The following TMCO1 variants were observed in gnomAD, a reference collection of about 807,000 sequenced individuals.
The protein encoded by TMCO1 is calcium load-activated calcium channel.
Under a neutral mutation model 29.3 loss-of-function variants are expected in TMCO1, and 29 were observed. The ratio of observed to expected loss-of-function variants is 0.99; its 90% confidence interval spans 0.74 to 1.35. The LOEUF is 1.35. Ranked by LOEUF, TMCO1 falls within the 40% of genes most tolerant of loss-of-function variation. TMCO1 has a pLI of 0.00. For synonymous variants in TMCO1, 80 were observed against 77.1 expected, an observed-to-expected ratio of 1.04 and a Z score of -0.20; for missense variants, 173 against 225.5, an observed-to-expected ratio of 0.77 and a Z score of 1.49.
At chr1:165,732,552 C>CA (rs1234977109) in intron 6 of TMCO1, among the ~76,000 whole-genome samples, 1 of 149,610 alleles carries the variant, frequency 6.7e-6, no homozygotes, top group Non-Finnish European at 1.5e-5. Context: ...AGTTGCTATG[C>CA]AAAAAACCCA....
At chr1:165,733,042 G>A (rs767061095) in intron 6 of TMCO1, among the ~76,000 whole-genome samples, 5 of 152,286 alleles carry the variant, frequency 3.3e-5, no homozygotes, top group Non-Finnish European at 7.4e-5. Flanking sequence ...GCAAGGCATT[G>A]TTCTAAGACC....
intron 3 of TMCO1, among the ~76,000 whole-genome samples, chr1:165,755,193 C>T (rs2101809681): frequency 6.6e-6 from 1 of 152,146 alleles, no homozygotes; most frequent in Non-Finnish European, 1.5e-5. Context: ...AAGGAATACT[C>T]CAAAAATGGA....
At chr1:165,737,948 T>G (rs1423364735) in intron 6 of TMCO1, among the ~76,000 whole-genome samples, 1 of 152,150 alleles carries the variant, frequency 6.6e-6, no homozygotes, top group African/African-American at 2.4e-5. Flanking sequence ...CACCAACAGC[T>G]CTAGATTCAG....
At chr1:165,768,117 T>TA (rs1274503924) in intron 2 of TMCO1, 75 bp downstream of exon 2, 21 of 1,285,310 alleles carry the variant, frequency 1.6e-5, no homozygotes, top group Non-Finnish European at 2.3e-5. Flanking sequence ...CTGGTGCTCT[T>TA]AAAATATTTA....
chr1:165,725,971 G>A (rs377489010), downstream of TMCO1: 2 of 673,404 alleles, frequency 3.0e-6, no homozygotes, highest in East Asian at 2.8e-5. Flanking sequence ...AACATAATTT[G>A]TATATGAAAA....
chr1:165,759,674 G>A, intron 2 of TMCO1, 90 bp from the exon 3 acceptor site: 2 of 1,161,170 alleles, frequency 1.7e-6, no homozygotes, highest in Non-Finnish European at 2.5e-6. Context: ...AATGAAAGAA[G>A]CTTGCAAGAA....
chr1:165,765,984 T>C (rs1652550382), intron 2 of TMCO1, among the ~76,000 whole-genome samples: 1 of 152,226 alleles, frequency 6.6e-6, no homozygotes, highest in African/African-American at 2.4e-5. Flanking sequence ...TCATGGTGCT[T>C]AGACCACAGT....
chr1:165,726,345 T>A (rs1395229992), downstream of TMCO1: 2 of 681,238 alleles, frequency 2.9e-6, no homozygotes, highest in Non-Finnish European at 5.4e-6. Context: ...TTGACTACTT[T>A]GTAATAAGGA....
chr1:165,726,054 T>C (rs1164880477), downstream of TMCO1: 1 of 691,524 alleles, frequency 1.4e-6, no homozygotes, highest in African/African-American at 1.8e-5. Flanking sequence ...GAGTGTGCTA[T>C]ATATTCTCAC....
rs1312578735 is a variant in TMCO1 at position 165,727,361 on chromosome 1, C to T, written c.*662G>A. Reference sequence around the variant, plus strand: ...ATTTTTAAACTCCAACGAGTTATTACGTTCCTTTCCACTCTTGCTTTCCAA... The same window carrying T: ...ATTTTTAAACTCCAACGAGTTATTATGTTCCTTTCCACTCTTGCTTTCCAA... On this transcript the variant is annotated 3_prime_UTR_variant, in exon 7 of 7. Coordinates refer to ENST00000367881, the MANE Select transcript of TMCO1 (RefSeq NM_019026.6). 14 of 453,786 alleles carry T rather than the reference C, an allele frequency of 3.1e-5. No homozygotes were observed. The highest frequency in any genetic ancestry group is 9.4e-5 in the Admixed American group (4 of 42,538). 28.1% of individuals were successfully genotyped at this position (453,786 alleles called of 1,614,324 possible).
At chr1:165,754,387 A>T in intron 3 of TMCO1, 113 bp from the exon 4 acceptor site, 1 of 834,366 alleles carries the variant, frequency 1.2e-6, no homozygotes, top group Non-Finnish European at 2.0e-6. Flanking sequence ...ATATCATTTA[A>T]TAAGATGATG....
rs1652114038 is a variant in TMCO1 at position 165,754,373 on chromosome 1, C to G, written c.209-99G>C. 6.6e-6 allele frequency: 6 copies of G among 903,774 alleles called. No homozygotes were observed. In the South Asian group the frequency reaches 8.1e-5, roughly 12 times the overall value. The allele number at this position is 903,774 out of a possible 1,614,324, so 56.0% of individuals were successfully genotyped here. On this transcript the variant is annotated intron_variant, in intron 3 of 6. Coordinates refer to ENST00000367881, the MANE Select transcript of TMCO1 (RefSeq NM_019026.6). ...ATTGGTGATTACAAAAGCACTCTAT[C>G]TCAATATCATTTAATAAGATGATGA...
intron 5 of TMCO1, among the ~76,000 whole-genome samples, chr1:165,751,005 A>G (rs1224037010): frequency 6.6e-6 from 1 of 151,932 alleles, no homozygotes; most frequent in Non-Finnish European, 1.5e-5. Context: ...AGGAGGCAGA[A>G]GTTGCAGTGA....
intron 2 of TMCO1, 102 bp from the exon 3 acceptor site, chr1:165,759,686 G>T (rs1237548304): frequency 3.2e-6 from 3 of 938,722 alleles, no homozygotes; most frequent in African/African-American, 3.3e-5. Flanking sequence ...TTGCAAGAAA[G>T]TTACACACTG....
chr1:165,765,032 T>C (rs1376888521), intron 2 of TMCO1, among the ~76,000 whole-genome samples: 1 of 152,178 alleles, frequency 6.6e-6, no homozygotes, highest in African/African-American at 2.4e-5. Context: ...AGCATTCAAG[T>C]CAACAAATGT....
At chr1:165,729,820 A>G (rs1558028229) in intron 6 of TMCO1, among the ~76,000 whole-genome samples, 1 of 152,200 alleles carries the variant, frequency 6.6e-6, no homozygotes, top group African/African-American at 2.4e-5. Flanking sequence ...TCTCTTACAC[A>G]GTAGTTTCTG....
At chr1:165,740,861 G>A (rs1651569015) in intron 6 of TMCO1, among the ~76,000 whole-genome samples, 1 of 152,188 alleles carries the variant, frequency 6.6e-6, no homozygotes, top group African/African-American at 2.4e-5. Context: ...GTAGCAGGAA[G>A]GCCCTCAGTA....
At chr1:165,734,942 G>A (rs532002090) in intron 6 of TMCO1, among the ~76,000 whole-genome samples, 89 of 152,286 alleles carry the variant, frequency 5.8e-4, no homozygotes, top group African/African-American at 2.1e-3. Context: ...GAAAACGGAA[G>A]CTCCCTTCTG....
intron 3 of TMCO1, among the ~76,000 whole-genome samples, chr1:165,758,043 T>C (rs79431570): frequency 1.3e-5 from 2 of 148,466 alleles, no homozygotes; most frequent in African/African-American, 5.0e-5. Flanking sequence ...CATTCTCTTC[T>C]TCATCTATAT....
Sources: allele counts gnomAD v4.1 joint callset (sites outside exome capture counted in the v4.1 genomes callset), GRCh38; gene constraint gnomAD v4.1.1; transcripts MANE v1.5; gene names NCBI Gene and HGNC (gene_info 2026-07-23, HGNC 2026-07-21).